Variants in SLC30A9 observed in about 807,000 individuals in gnomAD.
The protein encoded by SLC30A9 is solute carrier family 30 member 9, also known as proton-coupled zinc antiporter SLC30A9, mitochondrial.
In SLC30A9, 58 loss-of-function variants were observed where a neutral mutation model predicts 87.5. The observed-to-expected ratio is 0.66, with a 90% CI of 0.54 to 0.82. The LOEUF is 0.82. Ranked by LOEUF, SLC30A9 falls within the 40% of genes least tolerant of loss-of-function variation. The pLI is 0.00. For missense variants in SLC30A9, 557 were observed against 679.1 expected, an observed-to-expected ratio of 0.82 and a Z score of 2.00; for synonymous variants, 234 against 233.0, an observed-to-expected ratio of 1.00 and a Z score of -0.04.
chr4:42,042,804 A>C (rs1286490155), intron 8 of SLC30A9, among the ~76,000 whole-genome samples: 2 of 152,152 alleles, frequency 1.3e-5, no homozygotes, highest in Non-Finnish European at 2.9e-5. Flanking sequence ...GCAGGGATCA[A>C]CAGACACCTC....
chr4:42,026,264 A>G (rs1445224763), intron 6 of SLC30A9, among the ~76,000 whole-genome samples: 1 of 152,220 alleles, frequency 6.6e-6, no homozygotes, highest in African/African-American at 2.4e-5. Flanking sequence ...AATGGTTTCC[A>G]TTGAGTTTCT....
chr4:42,025,743 G>A (rs1468858692), intron 6 of SLC30A9, among the ~76,000 whole-genome samples: 2 of 151,928 alleles, frequency 1.3e-5, no homozygotes, highest in African/African-American at 4.8e-5. Context: ...TCAGCTCACT[G>A]TAAGCTCTGC....
rs115924379 is a variant in SLC30A9 at position 42,007,474 on chromosome 4, G to A, written c.274+5694G>A. Among the ~76,000 whole-genome samples, 798 of 152,222 alleles carry A rather than the reference G, an allele frequency of 5.2e-3. 3 individuals carry two copies. The highest frequency in any genetic ancestry group is 0.04 in the East Asian group (205 of 5,166). ...CTGTTAAAATGTCACACATCAGGTCGGGTGCAGTGGCTCATGCCTGTAATC... is the reference window on the plus strand; with the variant it reads ...CTGTTAAAATGTCACACATCAGGTCAGGTGCAGTGGCTCATGCCTGTAATC... On this transcript the variant is annotated intron_variant, in intron 2 of 17. Transcript: ENST00000264451.
chr4:42,026,826 T>A (rs2153136099), intron 6 of SLC30A9, among the ~76,000 whole-genome samples: 1 of 152,270 alleles, frequency 6.6e-6, no homozygotes, highest in East Asian at 1.9e-4. Context: ...CCACCCTATT[T>A]TTAATTTAAG....
chr4:42,067,933 C>G (rs1718148061), intron 14 of SLC30A9, among the ~76,000 whole-genome samples: 1 of 152,150 alleles, frequency 6.6e-6, no homozygotes, highest in Admixed American at 6.5e-5. Flanking sequence ...AGGACAATAA[C>G]TGATGTATGA....
In SLC30A9 at chr4:42,015,117, G is replaced by A. The variant is rs1715657949; in HGVS notation, c.275-2994G>A. On this transcript the variant is annotated intron_variant, in intron 2 of 17. Transcript: ENST00000264451. The stretch of plus-strand genomic sequence containing the variant: ...AGATGATCGATGCTCCATTTACCCT[G>A]ATATGATTATTACACTTTGTATGCC... Among the ~76,000 whole-genome samples, 3 of 152,080 alleles carry A rather than the reference G, an allele frequency of 2.0e-5. No individual in the cohort carries two copies. In the South Asian group the frequency reaches 6.2e-4, roughly 32 times the overall value.
Position 42,070,666 on chromosome 4 carries a change from C to A in SLC30A9, c.1393C>A (p.Leu465Ile). Reference sequence around the variant, plus strand: ...AGAACAAGTACAACGGCTCACTGAACTCCTGGAGAATGACCCATCAGTAAG... The same window carrying A: ...AGAACAAGTACAACGGCTCACTGAAATCCTGGAGAATGACCCATCAGTAAG... ...QPEQVQRLTE[L>I]LENDPSVRAI... The change falls in exon 15 of 18, where the codon CTC becomes ATC. Residue 465 changes from leucine (L) to isoleucine (I), a missense_variant. Around this residue, in one of 2 missense-constraint regions of SLC30A9, gnomAD observed 90 missense variants for 149.4 expected, o/e 0.60. Transcript: ENST00000264451. 3 of 1,613,896 alleles carry A rather than the reference C, an allele frequency of 1.9e-6. No homozygotes were observed. The East Asian group carries it at 6.7e-5, about 36-fold the overall frequency.
At position 41,990,755 on chromosome 4, in the gene SLC30A9, G is replaced by C. The variant is rs11541147; in HGVS notation, c.104G>C (p.Arg35Pro). The change falls in exon 1 of 18, where the codon CGC becomes CCC. Residue 35 changes from arginine to proline, a missense_variant. Arg to Pro is a moderately radical substitution (Grantham distance 103). Around this residue, in one of 2 missense-constraint regions of SLC30A9, gnomAD observed 467 missense variants for 529.8 expected, o/e 0.88. Coordinates refer to ENST00000264451, the MANE Select transcript of SLC30A9 (RefSeq NM_006345.4). ...CRAAACNPSD[R>P]QEWQNLVTFG... ...GCGGCGGCCTGTAATCCCAGCGACC[G>C]CCAGGGTGAGTGTCCCGCGCTGGCC... is the stretch of plus-strand genomic sequence containing the variant. 2 of 1,608,452 alleles carry C rather than the reference G, an allele frequency of 1.2e-6. No homozygotes were observed. The highest frequency in any genetic ancestry group is 2.7e-5 in the African/African-American group (2 of 74,974).
At chr4:42,020,595 G>A in intron 4 of SLC30A9, 80 bp downstream of exon 4, 1 of 713,428 alleles carries the variant, frequency 1.4e-6, no homozygotes, top group South Asian at 2.1e-5. Flanking sequence ...TGTGTTACCT[G>A]CTACCATCCA....
chr4:42,025,911 C>T (rs999367135), intron 6 of SLC30A9, among the ~76,000 whole-genome samples: 5 of 152,122 alleles, frequency 3.3e-5, no homozygotes, highest in Non-Finnish European at 5.9e-5. Context: ...CCTCAGCCTC[C>T]CAAAGTGCTG....
At chr4:42,039,834 A>T (rs1474333012) in intron 8 of SLC30A9, among the ~76,000 whole-genome samples, 3 of 152,062 alleles carry the variant, frequency 2.0e-5, no homozygotes, top group Non-Finnish European at 4.4e-5. Flanking sequence ...TTTCTGACTA[A>T]TCTATTTTAG....
chr4:42,057,261 T>G (rs1227263767), intron 9 of SLC30A9, among the ~76,000 whole-genome samples: 1 of 152,128 alleles, frequency 6.6e-6, no homozygotes, highest in African/African-American at 2.4e-5. Context: ...ACCCCACATT[T>G]CCCTTAAGCA....
chr4:42,066,587 T>G lies in SLC30A9; in HGVS notation c.1110T>G (p.Asn370Lys). 1 of 1,606,962 alleles carries G rather than the reference T, an allele frequency of 6.2e-7. No individual in the cohort carries two copies. Reference protein sequence around the residue: ...LLVAVNELRRNARAKGMSFYK... With the variant: ...LLVAVNELRRKARAKGMSFYK... Reference sequence around the variant, plus strand: ...TTGCTGTAAATGAACTTCGTAGGAATGCTCGGGCTAAAGGAATGTCATTTT... The same window carrying G: ...TTGCTGTAAATGAACTTCGTAGGAAGGCTCGGGCTAAAGGAATGTCATTTT... Residue 370 changes from asparagine (N) to lysine (K), a missense_variant, in exon 13 of 18, where the codon AAT becomes AAG. Asn to Lys is a moderately conservative substitution (Grantham distance 94). Coordinates refer to ENST00000264451, the MANE Select transcript of SLC30A9 (RefSeq NM_006345.4).
chr4:42,079,891 C>T (rs1407587866), intron 17 of SLC30A9, among the ~76,000 whole-genome samples: 2 of 152,224 alleles, frequency 1.3e-5, no homozygotes, highest in Non-Finnish European at 2.9e-5. Context: ...GCTGGGATTA[C>T]AAGCGTGAGC....
At chr4:42,062,552 C>G (rs937924570) in intron 10 of SLC30A9, among the ~76,000 whole-genome samples, 1 of 152,112 alleles carries the variant, frequency 6.6e-6, no homozygotes, top group African/African-American at 2.4e-5. Context: ...CTGTATCCAG[C>G]ATCAAATTAT....
intron 3 of SLC30A9, 92 bp from the exon 4 acceptor site, chr4:42,020,324 A>G (rs1218527314): frequency 6.8e-6 from 4 of 591,286 alleles, no homozygotes; most frequent in Admixed American, 3.1e-5. Flanking sequence ...TGTGAAATTC[A>G]TTAGTGAAGC....
intron 6 of SLC30A9, chr4:42,029,615 A>G: frequency 1.4e-6 from 1 of 707,764 alleles, no homozygotes; most frequent in Non-Finnish European, 2.6e-6. Flanking sequence ...AGTGAACCCA[A>G]AGAACGAGGA....
At position 42,024,394 on chromosome 4, in the gene SLC30A9, G is replaced by A. The variant is rs371333380; in HGVS notation, c.610+1010G>A. 1.3e-5 allele frequency among the ~76,000 whole-genome samples: 2 copies of A among 152,204 alleles called. 1 individual carries two copies. Among genetic ancestry groups the A allele is most frequent in the Admixed American group, 1.3e-4 (2 of 15,304 alleles). On this transcript the variant is annotated intron_variant, in intron 6 of 17. Transcript: ENST00000264451. ...TATAGATAGTGGTATAATCATAACC[G>A]TTTTCCATATCTACATATAGAAATC... is the stretch of plus-strand genomic sequence containing the variant.
At chr4:42,013,819 A>C (rs1317571223) in intron 2 of SLC30A9, among the ~76,000 whole-genome samples, 4 of 152,234 alleles carry the variant, frequency 2.6e-5, no homozygotes, top group Non-Finnish European at 4.4e-5. Flanking sequence ...GAAACTCTCC[A>C]GGATATTGGA....
Sources: allele counts gnomAD v4.1 joint callset (sites outside exome capture counted in the v4.1 genomes callset), GRCh38; gene constraint gnomAD v4.1.1; regional missense constraint gnomAD v4.1.1; transcripts MANE v1.5; gene names NCBI Gene and HGNC (gene_info 2026-07-23, HGNC 2026-07-21).